Variants in NEK11 observed in about 807,000 individuals in gnomAD.
The protein encoded by NEK11 is serine/threonine-protein kinase Nek11.
A neutral mutation model predicts 80.7 loss-of-function variants in NEK11; 72 were observed. The observed-to-expected ratio is 0.89, with a 90% CI of 0.74 to 1.08. The LOEUF is 1.08. NEK11 is among the 50% of genes least tolerant of loss of function. The pLI, the probability that NEK11 is intolerant of heterozygous loss-of-function variation, is 0.00. For missense variants in NEK11, 764 were observed against 763.6 expected, an observed-to-expected ratio of 1.00 and a Z score of -0.01; for synonymous variants, 251 against 260.7, an observed-to-expected ratio of 0.96 and a Z score of 0.36.
At chr3:131,062,647 C>T (rs1443428432) in intron 3 of NEK11, among the ~76,000 whole-genome samples, 1 of 152,288 alleles carries the variant, frequency 6.6e-6, no homozygotes, top group South Asian at 2.1e-4. Flanking sequence ...TCTTTTCTAG[C>T]GTTTTGAATA....
At chr3:131,129,906 A>C (rs2084118288) in intron 5 of NEK11, among the ~76,000 whole-genome samples, 1 of 152,196 alleles carries the variant, frequency 6.6e-6, no homozygotes, top group East Asian at 1.9e-4. Context: ...CAAAAGACCC[A>C]ATATTATGGA....
At chr3:131,338,696 A>G (rs1007412488) in intron 17 of NEK11, among the ~76,000 whole-genome samples, 2 of 152,268 alleles carry the variant, frequency 1.3e-5, no homozygotes, top group African/African-American at 4.8e-5. Context: ...ACAGCAGTTT[A>G]GATGAATCTC....
At chr3:131,303,703 T>G (rs1033882905) in intron 17 of NEK11, among the ~76,000 whole-genome samples, 2 of 152,186 alleles carry the variant, frequency 1.3e-5, no homozygotes, top group African/African-American at 4.8e-5. Context: ...CTTGTAGAAT[T>G]TCTGTTGAGA....
intron 5 of NEK11, among the ~76,000 whole-genome samples, chr3:131,122,584 T>A (rs1021157576): frequency 1.3e-5 from 2 of 152,224 alleles, no homozygotes; most frequent in African/African-American, 4.8e-5. Flanking sequence ...AAAGGAGCCA[T>A]TGGCTGTGCC....
At chr3:131,304,421 A>C (rs183850580) in intron 17 of NEK11, among the ~76,000 whole-genome samples, 105 of 152,324 alleles carry the variant, frequency 6.9e-4, no homozygotes, top group African/African-American at 2.5e-3. Flanking sequence ...AGCCAAGTTA[A>C]GAATCATTGC....
intron 4 of NEK11, among the ~76,000 whole-genome samples, chr3:131,085,288 T>G (rs2075824204): frequency 6.6e-6 from 1 of 152,252 alleles, no homozygotes. Flanking sequence ...TGATGCCTTA[T>G]GAACTTGAAG....
At chr3:131,195,815 T>TATATATATATATATATATATAA (rs1305832619) in intron 14 of NEK11, among the ~76,000 whole-genome samples, 10 of 146,804 alleles carry the variant, frequency 6.8e-5, no homozygotes, top group African/African-American at 2.2e-4. Flanking sequence ...TATATATATA[T>TATATATATATATATATATATAA]ATATAAAATT....
At chr3:131,106,640 T>A (rs1642330827) in intron 4 of NEK11, among the ~76,000 whole-genome samples, 1 of 152,152 alleles carries the variant, frequency 6.6e-6, no homozygotes, top group Admixed American at 6.5e-5. Context: ...TATCCAAGAT[T>A]ATGTCAACTT....
chr3:131,055,492 T>C (rs2069290818), intron 3 of NEK11, among the ~76,000 whole-genome samples: 1 of 152,092 alleles, frequency 6.6e-6, no homozygotes, highest in Admixed American at 6.6e-5. Flanking sequence ...TCTTAGCACT[T>C]TGGGAGGCTG....
intron 17 of NEK11, among the ~76,000 whole-genome samples, chr3:131,275,941 C>T (rs923062971): frequency 1.3e-5 from 2 of 152,124 alleles, no homozygotes; most frequent in Admixed American, 6.5e-5. Flanking sequence ...GAAAAGTCCC[C>T]AAATAGGAGC....
intron 3 of NEK11, among the ~76,000 whole-genome samples, chr3:131,062,987 C>G (rs921088471): frequency 3.9e-5 from 6 of 152,184 alleles, no homozygotes; most frequent in African/African-American, 1.4e-4. Context: ...TCAACAGAAT[C>G]AGAGAATCTT....
chr3:131,284,250 G>T (rs2096442564), intron 17 of NEK11, among the ~76,000 whole-genome samples: 1 of 152,286 alleles, frequency 6.6e-6, no homozygotes, highest in African/African-American at 2.4e-5. Context: ...CTCTGAAGCG[G>T]AGGTTCACTA....
chr3:131,087,298 GAA>G (rs2076119526), intron 4 of NEK11, among the ~76,000 whole-genome samples: 1 of 126,614 alleles, frequency 7.9e-6, no homozygotes, highest in Non-Finnish European at 1.6e-5. Flanking sequence ...GGAGTGCAAT[GAA>G]TGGCACAATC....
chr3:131,111,671 C>T (rs1169805965), intron 5 of NEK11, among the ~76,000 whole-genome samples: 2 of 152,070 alleles, frequency 1.3e-5, no homozygotes, highest in Non-Finnish European at 2.9e-5. Context: ...GTTTCCTCAT[C>T]TATTAGATTG....
chr3:131,297,880 A>G (rs1039446726), intron 17 of NEK11, among the ~76,000 whole-genome samples: 4 of 152,146 alleles, frequency 2.6e-5, no homozygotes, highest in African/African-American at 9.7e-5. Flanking sequence ...CTTTCTACAT[A>G]TGGCTAGCCA....
At chr3:131,239,583 A>G (rs1265097062) in intron 15 of NEK11, among the ~76,000 whole-genome samples, 5 of 152,144 alleles carry the variant, frequency 3.3e-5, no homozygotes, top group African/African-American at 1.2e-4. Context: ...CCTTCTCTAG[A>G]TATGCCTTCG....
At chr3:131,062,794 G>A (rs1454625644) in intron 3 of NEK11, among the ~76,000 whole-genome samples, 2 of 152,180 alleles carry the variant, frequency 1.3e-5, no homozygotes, top group Non-Finnish European at 2.9e-5. Context: ...TGACTGTCAA[G>A]GAGGAAAGGA....
At chr3:131,110,452 GA>G (rs1189545325) in intron 5 of NEK11, among the ~76,000 whole-genome samples, 5 of 152,030 alleles carry the variant, frequency 3.3e-5, no homozygotes, top group Non-Finnish European at 7.4e-5. Context: ...ATCTCATAAT[GA>G]AGGTCAATTA....
chr3:131,341,459 T>C (rs1038354945), intron 17 of NEK11, among the ~76,000 whole-genome samples: 1 of 152,216 alleles, frequency 6.6e-6, no homozygotes, highest in Non-Finnish European at 1.5e-5. Flanking sequence ...TGGTCAGTTT[T>C]CGCAAATGTT....
Sources: gnomAD v4.1 joint callset for allele counts (sites outside exome capture counted in the v4.1 genomes callset) on GRCh38, gnomAD v4.1.1 for gene constraint, MANE v1.5 for transcripts, NCBI Gene and HGNC (gene_info 2026-07-23, HGNC 2026-07-21) for gene names.